Variants in DCC observed in about 807,000 individuals in gnomAD.
DCC encodes netrin receptor DCC.
A neutral mutation model predicts 172.5 loss-of-function variants in DCC; 58 were observed. That is an observed-to-expected ratio of 0.34 (90% CI 0.27 to 0.42). The LOEUF (loss-of-function observed/expected upper bound fraction) is 0.42, where lower values mean the gene tolerates loss of function less well. DCC is among the 10% of genes least tolerant of loss of function. The pLI, the probability that DCC is intolerant of heterozygous loss-of-function variation, is 1.00. For missense variants in DCC, 1,740 were observed against 1,791.0 expected (o/e 0.97, Z 0.51); for synonymous variants, 709 against 644.5 (o/e 1.10, Z -1.52).
intron 12 of DCC, among the ~76,000 whole-genome samples, chr18:53,240,352 G>A (rs1334018219): frequency 2.0e-5 from 3 of 152,020 alleles, no homozygotes; most frequent in Non-Finnish European, 4.4e-5. Flanking sequence ...TTCATCTTAT[G>A]TCTTATCAAG....
At chr18:53,397,753 C>G (rs1270193251) in intron 18 of DCC, among the ~76,000 whole-genome samples, 1 of 152,046 alleles carries the variant, frequency 6.6e-6, no homozygotes, top group East Asian at 1.9e-4. Context: ...GAAATCCATC[C>G]AATGAACTTG....
chr18:53,372,258 C>T (rs1271803024), intron 15 of DCC, among the ~76,000 whole-genome samples: 1 of 152,126 alleles, frequency 6.6e-6, no homozygotes, highest in Non-Finnish European at 1.5e-5. Context: ...AAATGTGGTA[C>T]ATATACATCG....
At chr18:53,081,690 C>T (rs539193467) in intron 7 of DCC, among the ~76,000 whole-genome samples, 1 of 152,048 alleles carries the variant, frequency 6.6e-6, no homozygotes, top group South Asian at 2.1e-4. Context: ...TCCAGAGGTA[C>T]CGCTTGTAAG....
At chr18:52,935,183 C>A (rs1447288648) in intron 5 of DCC, among the ~76,000 whole-genome samples, 8 of 128,168 alleles carry the variant, frequency 6.2e-5, no homozygotes, top group Non-Finnish European at 1.3e-4. Context: ...AAAAAATTCC[C>A]ATTTACAATA....
At chr18:52,903,974 C>T (rs978502751) in intron 2 of DCC, among the ~76,000 whole-genome samples, 3 of 152,318 alleles carry the variant, frequency 2.0e-5, no homozygotes, top group African/African-American at 7.2e-5. Context: ...TAATTCCTTT[C>T]GTTCTTCACC....
At chr18:52,718,563 C>T (rs529343211) in intron 1 of DCC, among the ~76,000 whole-genome samples, 8 of 152,110 alleles carry the variant, frequency 5.3e-5, no homozygotes, top group Admixed American at 2.0e-4. Flanking sequence ...TTACATGGCA[C>T]GTAGGTTGTT....
At chr18:52,662,407 A>T (rs978412944) in intron 1 of DCC, among the ~76,000 whole-genome samples, 1 of 152,002 alleles carries the variant, frequency 6.6e-6, no homozygotes, top group African/African-American at 2.4e-5. Context: ...TCTAGTTCCC[A>T]GCACAATAAA....
intron 20 of DCC, among the ~76,000 whole-genome samples, chr18:53,411,193 ATAG>A (rs1455033763): frequency 6.6e-6 from 1 of 152,132 alleles, no homozygotes; most frequent in Non-Finnish European, 1.5e-5. Flanking sequence ...CTAAAGCTGA[ATAG>A]TAGTGATTAC....
At chr18:53,319,162 C>T (rs976264817) in intron 13 of DCC, among the ~76,000 whole-genome samples, 29 of 152,068 alleles carry the variant, frequency 1.9e-4, no homozygotes, top group African/African-American at 7.0e-4. Context: ...AAAAACATAC[C>T]GAATTGTAAA....
chr18:52,480,968 A>G (rs1315282180), intron 1 of DCC, among the ~76,000 whole-genome samples: 1 of 152,096 alleles, frequency 6.6e-6, no homozygotes, highest in Non-Finnish European at 1.5e-5. Flanking sequence ...TTCCTTTTTC[A>G]AACATTTCTT....
intron 12 of DCC, among the ~76,000 whole-genome samples, chr18:53,288,905 G>T (rs907003547): frequency 2.0e-4 from 31 of 152,234 alleles, no homozygotes; most frequent in African/African-American, 7.2e-4. Context: ...GAATGAGTCT[G>T]TGATTTTTAA....
chr18:53,019,387 C>T (rs938087769), intron 5 of DCC, among the ~76,000 whole-genome samples: 2 of 152,130 alleles, frequency 1.3e-5, no homozygotes, highest in Admixed American at 1.3e-4. Flanking sequence ...ATGAGACTTT[C>T]AAAATGAAGA....
chr18:53,369,395 G>A (rs1189389687), intron 15 of DCC, among the ~76,000 whole-genome samples: 1 of 151,570 alleles, frequency 6.6e-6, no homozygotes, highest in Non-Finnish European at 1.5e-5. Flanking sequence ...AAAATCTTAG[G>A]GTTTTATATG....
chr18:53,497,708 A>G (rs868792033), intron 26 of DCC, among the ~76,000 whole-genome samples: 2 of 152,214 alleles, frequency 1.3e-5, no homozygotes, highest in African/African-American at 2.4e-5. Context: ...AGTGCCTTGT[A>G]TAACACCTAC....
At chr18:53,446,064 C>G (rs951000332) in intron 22 of DCC, among the ~76,000 whole-genome samples, 32 of 127,134 alleles carry the variant, frequency 2.5e-4, no homozygotes, top group African/African-American at 8.9e-4. Flanking sequence ...GAGTTTGAGA[C>G]CAGCCTGGGC....
At chr18:52,821,089 T>C (rs2038397384) in intron 2 of DCC, among the ~76,000 whole-genome samples, 1 of 152,208 alleles carries the variant, frequency 6.6e-6, no homozygotes, top group Non-Finnish European at 1.5e-5. Context: ...TAATACTCTT[T>C]CTTCTTTCCT....
intron 23 of DCC, among the ~76,000 whole-genome samples, chr18:53,458,240 T>C (rs760845660): frequency 6.6e-5 from 10 of 152,192 alleles, no homozygotes; most frequent in Non-Finnish European, 1.3e-4. Flanking sequence ...TTAAAAGTTA[T>C]AAAACTAGGG....
intron 1 of DCC, among the ~76,000 whole-genome samples, chr18:52,381,775 C>T (rs778253939): frequency 5.9e-5 from 9 of 152,054 alleles, no homozygotes; most frequent in Non-Finnish European, 1.0e-4. Flanking sequence ...TCTGCCCTAG[C>T]GAGCTCATTC....
At chr18:53,305,003 C>A (rs149471128) in intron 12 of DCC, among the ~76,000 whole-genome samples, 1 of 152,114 alleles carries the variant, frequency 6.6e-6, no homozygotes, top group Non-Finnish European at 1.5e-5. Flanking sequence ...ATAAGTCTCA[C>A]GAGATCTGAT....
Sources: gnomAD v4.1 joint callset for allele counts (sites outside exome capture counted in the v4.1 genomes callset) on GRCh38, gnomAD v4.1.1 for gene constraint, MANE v1.5 for transcripts, NCBI Gene and HGNC (gene_info 2026-07-23, HGNC 2026-07-21) for gene names.